TRAM2: variants seen among roughly 807,000 people sequenced by gnomAD.
TRAM2 encodes translocation associated membrane protein 2.
Under a neutral mutation model 51.0 loss-of-function variants are expected in TRAM2, and 12 were observed. That is an observed-to-expected ratio of 0.24 (90% CI 0.15 to 0.38). The LOEUF (loss-of-function observed/expected upper bound fraction) is 0.38, where lower values mean the gene tolerates loss of function less well. TRAM2 is among the 10% of genes least tolerant of loss of function. TRAM2 has a pLI of 1.00. For synonymous variants in TRAM2, 175 were observed against 179.4 expected (o/e 0.98, Z 0.20); for missense variants, 361 against 462.0 (o/e 0.78, Z 2.00).
chr6:52,565,451 C>G (rs1202152409), intron 1 of TRAM2, among the ~76,000 whole-genome samples: 1 of 152,142 alleles, frequency 6.6e-6, no homozygotes, highest in Non-Finnish European at 1.5e-5. Flanking sequence ...TGTTGAATTT[C>G]CCTCTCCTAG....
At chr6:52,527,386 A>AAAAG (rs1332771339) in intron 2 of TRAM2, among the ~76,000 whole-genome samples, 5 of 151,672 alleles carry the variant, frequency 3.3e-5, no homozygotes, top group East Asian at 1.9e-4. Flanking sequence ...TCAAAAAAAA[A>AAAAG]AAAAGAAAAG....
rs1209119193 is a variant in TRAM2, at chr6:52,502,985, G to T, written c.*212C>A. 6.6e-6 allele frequency: 4 copies of T among 602,996 alleles called. No homozygotes were observed. Among genetic ancestry groups the T allele is most frequent in the Non-Finnish European group, 1.2e-5 (4 of 339,738 alleles). 37.4% of individuals were successfully genotyped at this position (602,996 alleles called of 1,614,324 possible). ...GTGGCCTGAGGGGGAGAAAGAGAAA[G>T]ATTTTTGGCTTTATTGAGAATGGTT... On this transcript the variant is annotated 3_prime_UTR_variant, in exon 11 of 11. Coordinates refer to ENST00000182527, the MANE Select transcript of TRAM2 (RefSeq NM_012288.4).
At chr6:52,536,186 C>T (rs1388037048) in intron 1 of TRAM2, among the ~76,000 whole-genome samples, 2 of 152,204 alleles carry the variant, frequency 1.3e-5, no homozygotes, top group Non-Finnish European at 2.9e-5. Context: ...TGTGCATCAG[C>T]ATTGTGGAAG....
chr6:52,539,411 C>T (rs1767036786), intron 1 of TRAM2, among the ~76,000 whole-genome samples: 3 of 151,986 alleles, frequency 2.0e-5, no homozygotes, highest in East Asian at 1.9e-4. Context: ...AGCAAGTAAG[C>T]GAATTTGCAA....
chr6:52,529,261 C>T (rs1247933918), intron 2 of TRAM2, among the ~76,000 whole-genome samples: 2 of 152,108 alleles, frequency 1.3e-5, no homozygotes, highest in East Asian at 3.9e-4. Flanking sequence ...AGTGATACTC[C>T]CCACCTCCCC....
intron 1 of TRAM2, among the ~76,000 whole-genome samples, chr6:52,542,275 T>A (rs56058857): frequency 1.5e-4 from 22 of 145,976 alleles, no homozygotes; most frequent in African/African-American, 5.7e-4. Flanking sequence ...TTTTTTTTTT[T>A]TAAAAAAAAT....
intron 1 of TRAM2, among the ~76,000 whole-genome samples, chr6:52,567,066 C>T (rs1767601363): frequency 6.6e-6 from 1 of 152,326 alleles, no homozygotes; most frequent in South Asian, 2.1e-4. Context: ...ACTGCTTAAT[C>T]AACATTTGCA....
Position 52,509,386 on chromosome 6 carries a change from A to G in TRAM2, c.470+142T>C, listed in dbSNP as rs369779132. ...GCTGAGAAGAAGTGGCTTCCAGACA[A>G]GTCTACCATCCACAATAGGCTCAGG... On this transcript the variant is annotated intron_variant, in intron 5 of 10. Transcript: ENST00000182527. 4 of 693,906 alleles carry G rather than the reference A, an allele frequency of 5.8e-6. No individual in the cohort carries two copies. In the African/African-American group the frequency reaches 7.2e-5, roughly 12 times the overall value. The allele number at this position is 693,906 out of a possible 1,614,324, so 43.0% of individuals were successfully genotyped here.
At chr6:52,566,857 A>G (rs983911277) in intron 1 of TRAM2, among the ~76,000 whole-genome samples, 2 of 152,172 alleles carry the variant, frequency 1.3e-5, no homozygotes, top group Non-Finnish European at 2.9e-5. Flanking sequence ...CTAGTACACT[A>G]CACTTACTGA....
intron 1 of TRAM2, among the ~76,000 whole-genome samples, chr6:52,552,246 CAG>C (rs1023495260): frequency 6.6e-5 from 10 of 152,220 alleles, no homozygotes; most frequent in Admixed American, 2.0e-4. Flanking sequence ...GGCACGGATG[CAG>C]AGAGGACAGC....
chr6:52,524,400 A>G (rs1766733534), intron 2 of TRAM2: 1 of 124,160 alleles, frequency 8.1e-6, no homozygotes. Flanking sequence ...GCCAGTTAAG[A>G]AATTCTTGGG....
rs541387664 is a variant in TRAM2, at chr6:52,519,810, TA to T, written c.185-3074del. Among the ~76,000 whole-genome samples the T allele has an allele frequency of 1.5e-3, 218 of 145,416 alleles. 1 individual carries two copies. The highest frequency in any genetic ancestry group is 3.2e-3 in the African/African-American group (128 of 39,426). On this transcript the variant is annotated intron_variant, in intron 2 of 10. Transcript: ENST00000182527. ...CATACAGTGGAAGATGATTCAGCCT[TA>T]AAAAAAAAAAAAGGAAATTCTGACA...
At chr6:52,508,881 A>C (rs750525706) in intron 5 of TRAM2, among the ~76,000 whole-genome samples, 45 of 152,164 alleles carry the variant, frequency 3.0e-4, no homozygotes, top group South Asian at 2.1e-4. Context: ...TAAAAATACA[A>C]AAATTAGCTG....
At chr6:52,563,678 G>A (rs1465490031) in intron 1 of TRAM2, among the ~76,000 whole-genome samples, 1 of 114,076 alleles carries the variant, frequency 8.8e-6, no homozygotes, top group African/African-American at 3.5e-5. Flanking sequence ...CTGGGGGACA[G>A]AGCGAGACTC....
chr6:52,543,748 G>A (rs1767147198), intron 1 of TRAM2, among the ~76,000 whole-genome samples: 2 of 152,214 alleles, frequency 1.3e-5, no homozygotes, highest in South Asian at 4.1e-4. Context: ...CAGTATAGAT[G>A]TGTCTGCGAC....
At chr6:52,558,067 G>T (rs1272306441) in intron 1 of TRAM2, among the ~76,000 whole-genome samples, 1 of 152,166 alleles carries the variant, frequency 6.6e-6, no homozygotes, top group East Asian at 1.9e-4. Context: ...TGAAGTTCTG[G>T]TTTTGGCAGC....
At chr6:52,566,710 C>T (rs9474248) in intron 1 of TRAM2, among the ~76,000 whole-genome samples, 9,471 of 152,242 alleles carry the variant, frequency 0.062, 784 homozygotes, top group African/African-American at 0.19. Context: ...CAATGCTTCA[C>T]ACCAGCTCAT....
chr6:52,504,638 A>C lies in TRAM2; in HGVS notation c.992T>G (p.Val331Gly), dbSNP rs200755793. ...YWNEQSAKRR[V>G]PATPRLPARL... is the part of the protein sequence containing the mutation. ...GGCTGGTAGTCTGGGTGTGGCTGGG[A>C]CTCTCCGCTTTGCACTCTGCTCATT... Residue 331 changes from valine to glycine, a missense_variant, in exon 10 of 11, where the codon GTC becomes GGC. Physicochemically the swap from Val to Gly is moderately radical, Grantham distance 109. Coordinates refer to ENST00000182527, the MANE Select transcript of TRAM2 (RefSeq NM_012288.4). The C allele has an allele frequency of 6.2e-7, 1 of 1,611,380 alleles. No homozygotes were observed. Among genetic ancestry groups the C allele is most frequent in the African/African-American group, 1.3e-5 (1 of 74,646 alleles).
In TRAM2 at chr6:52,500,528, G is replaced by GTTTTTTTTT. The variant is rs59714938; in HGVS notation, c.*2660_*2668dup. The GTTTTTTTTT allele has an allele frequency of 8.1e-5, 10 of 123,026 alleles. No individual in the cohort carries two copies. The highest frequency in any genetic ancestry group is 2.9e-4 in the African/African-American group (10 of 34,880). 7.6% of individuals were successfully genotyped at this position (123,026 alleles called of 1,614,324 possible). On this transcript the variant is annotated 3_prime_UTR_variant, in exon 11 of 11. Coordinates refer to ENST00000182527, the MANE Select transcript of TRAM2 (RefSeq NM_012288.4). Reference sequence around the variant, plus strand: ...ACTCATGGTCTCAGGGTTTTTTTTTGTTTTTTTTTTTTTTTTTACATAAAA... The same window carrying GTTTTTTTTT: ...ACTCATGGTCTCAGGGTTTTTTTTTGTTTTTTTTTTTTTTTTTTTTTTTTTTACATAAAA...
Sources: gnomAD v4.1 joint callset for allele counts (sites outside exome capture counted in the v4.1 genomes callset) on GRCh38, gnomAD v4.1.1 for gene constraint, MANE v1.5 for transcripts, NCBI Gene and HGNC (gene_info 2026-07-23, HGNC 2026-07-21) for gene names.